The following CUX2 variants were observed in gnomAD, a reference collection of about 807,000 sequenced individuals.
CUX2 encodes cut like homeobox 2.
In CUX2, 40 loss-of-function variants were observed where a neutral mutation model predicts 144.8. The observed-to-expected ratio is 0.28, with a 90% confidence interval of 0.21 to 0.36. CUX2 has a LOEUF of 0.36. Among genes scored for constraint, CUX2 ranks in the 10% least tolerant of loss-of-function variants. The probability of loss-of-function intolerance (pLI) is 1.00; values close to 1 mark genes in which losing one functional copy is unlikely to be tolerated. For synonymous variants in CUX2, 827 were observed against 875.6 expected, an observed-to-expected ratio of 0.94 and a Z score of 0.98; for missense variants, 1,615 against 1,994.0, an observed-to-expected ratio of 0.81 and a Z score of 3.62.
At chr12:111,203,107 C>T (rs1048634010) in intron 1 of CUX2, among the ~76,000 whole-genome samples, 3 of 151,976 alleles carry the variant, frequency 2.0e-5, no homozygotes, top group African/African-American at 7.2e-5. Flanking sequence ...TGGCACACGC[C>T]TGTAATCCTA....
chr12:111,165,801 G>T (rs1272909354), intron 1 of CUX2, among the ~76,000 whole-genome samples: 1 of 152,148 alleles, frequency 6.6e-6, no homozygotes, highest in Admixed American at 6.5e-5. Context: ...CCATGGAAAT[G>T]GTAAATATCA....
At chr12:111,229,562 T>C (rs777312775) in intron 3 of CUX2, among the ~76,000 whole-genome samples, 10 of 152,196 alleles carry the variant, frequency 6.6e-5, no homozygotes, top group African/African-American at 9.7e-5. Flanking sequence ...CCACCTTGTT[T>C]ATCCTGGGGG....
chr12:111,202,675 A>G (rs1400224908), intron 1 of CUX2, among the ~76,000 whole-genome samples: 1 of 152,166 alleles, frequency 6.6e-6, no homozygotes, highest in African/African-American at 2.4e-5. Flanking sequence ...TGGAGCTGAC[A>G]TTGGAGGGGG....
At chr12:111,221,663 C>A (rs1592852803) in intron 3 of CUX2, among the ~76,000 whole-genome samples, 1 of 152,018 alleles carries the variant, frequency 6.6e-6, no homozygotes, top group East Asian at 1.9e-4. Flanking sequence ...TGAAATATAC[C>A]ATGTTCAATA....
chr12:111,036,352 G>A (rs1002121369), intron 1 of CUX2, among the ~76,000 whole-genome samples: 9 of 152,194 alleles, frequency 5.9e-5, no homozygotes, highest in African/African-American at 1.7e-4. Flanking sequence ...AGGGGAGGGT[G>A]CGGCTCCCAG....
chr12:111,321,966 A>T (rs1455115870), intron 17 of CUX2, among the ~76,000 whole-genome samples: 1 of 151,896 alleles, frequency 6.6e-6, no homozygotes, highest in African/African-American at 2.4e-5. Context: ...GCAACAGCAC[A>T]TGGCAGGCAC....
At chr12:111,189,861 TGGCATTGCTGGAGCACGGGGA>T (rs1879772758) in intron 1 of CUX2, among the ~76,000 whole-genome samples, 1 of 152,078 alleles carries the variant, frequency 6.6e-6, no homozygotes, top group Admixed American at 6.6e-5. Context: ...TACCCAGGGG[TGGCATTGCTGGAGCACGGGGA>T]GGCATATGTT....
intron 18 of CUX2, among the ~76,000 whole-genome samples, chr12:111,328,957 C>CTCTG (rs1430049288): frequency 2.0e-5 from 2 of 99,416 alleles, no homozygotes; most frequent in Admixed American, 1.9e-4. Flanking sequence ...CTCTCTCTCT[C>CTCTG]TCTCTCTCTC....
At chr12:111,145,700 T>A (rs957251410) in intron 1 of CUX2, among the ~76,000 whole-genome samples, 1 of 152,026 alleles carries the variant, frequency 6.6e-6, no homozygotes, top group Non-Finnish European at 1.5e-5. Flanking sequence ...TCCATCTTGC[T>A]CTGTCACCCA....
rs576863690 is a variant in CUX2, at chr12:111,265,903, C to T, written c.301+2064C>T. The stretch of plus-strand genomic sequence containing the variant: ...AAATGACATCCCACCCTCAGCTGTC[C>T]GACTGCAAAACCCAAACCACAGAGA... On this transcript the variant is annotated intron_variant, in intron 4 of 21. Coordinates refer to ENST00000261726, the MANE Select transcript of CUX2 (RefSeq NM_015267.4). Among the ~76,000 whole-genome samples the T allele has an allele frequency of 3.9e-5, 6 of 151,994 alleles. No individual in the cohort carries two copies. In the East Asian group the frequency reaches 7.7e-4, roughly 20 times the overall value.
rs374013343 is a variant in CUX2 at position 111,322,429 on chromosome 12, C to A, written c.2775C>A (p.Gly925=). 16 of 1,560,686 alleles carry A rather than the reference C, an allele frequency of 1.0e-5. No individual in the cohort carries two copies. Among genetic ancestry groups the A allele is most frequent in the Non-Finnish European group, 1.4e-5 (16 of 1,153,710 alleles). The change falls in exon 18 of 22, where the codon GGC becomes GGA. Residue 925 remains glycine, a synonymous_variant. Coordinates refer to ENST00000261726, the MANE Select transcript of CUX2 (RefSeq NM_015267.4). The surrounding 1 kb of genome is among the most constrained non-coding windows in gnomAD (Gnocchi z 4.2). Reference sequence around the variant, plus strand: ...TGGCCCGCCCCTCGCAGGTGCTGGGCCTGTCACAGGGCAGCGTGAGCGACA... The same window carrying A: ...TGGCCCGCCCCTCGCAGGTGCTGGGACTGTCACAGGGCAGCGTGAGCGACA... ...CQRIFGEKVL[G]LSQGSVSDML...
At position 111,217,648 on chromosome 12, in the gene CUX2, G is replaced by A. The variant is rs549618339; in HGVS notation, c.175-242G>A. 2.0e-5 allele frequency among the ~76,000 whole-genome samples: 3 copies of A among 151,878 alleles called. No individual in the cohort carries two copies. The South Asian group carries it at 6.2e-4, about 32-fold the overall frequency. ...TTTGTCTTCTGGAAATTCCCAACAT[G>A]CATTATATGAAAGACTCCAGAAAGT... On this transcript the variant is annotated intron_variant, in intron 2 of 21. Coordinates refer to ENST00000261726, the MANE Select transcript of CUX2 (RefSeq NM_015267.4).
chr12:111,143,976 T>G (rs1214221985), intron 1 of CUX2, among the ~76,000 whole-genome samples: 1 of 152,196 alleles, frequency 6.6e-6, no homozygotes, highest in Non-Finnish European at 1.5e-5. Context: ...AAGCCTCTCC[T>G]CTGAAGTGGC....
At position 111,308,545 on chromosome 12, in the gene CUX2, C is replaced by G; in HGVS notation, c.1258+19C>G. 6.3e-7 allele frequency: 1 copy of G among 1,593,644 alleles called. No homozygotes were observed. The highest frequency in any genetic ancestry group is 8.6e-7 in the Non-Finnish European group (1 of 1,169,506). On this transcript the variant is annotated intron_variant, in intron 14 of 21. Transcript: ENST00000261726. The stretch of plus-strand genomic sequence containing the variant: ...AGCCCTGGTAGGGGAGGAGGATACT[C>G]TGGGGCTGAGGGCTGGGGCGGGGGC...
intron 18 of CUX2, among the ~76,000 whole-genome samples, chr12:111,324,734 A>C (rs188467325): frequency 0.034 from 5,234 of 151,980 alleles, 133 homozygotes; most frequent in African/African-American, 0.062. Flanking sequence ...TCCTGACCTC[A>C]GGTGATCCAC....
At position 111,320,648 on chromosome 12, in the gene CUX2, T is replaced by A; in HGVS notation, c.2639T>A (p.Val880Glu). The stretch of plus-strand genomic sequence containing the variant: ...GTGCCGCGCACCCTGAAGCCCACCG[T>A]GCCGCCGCTGACCCCCGAGCAGTAC... Reference protein sequence around the residue: ...AYVPRTLKPTVPPLTPEQYEL... With the variant: ...AYVPRTLKPTEPPLTPEQYEL... Residue 880 changes from valine to glutamate, a missense_variant, in exon 17 of 22, where the codon GTG becomes GAG. Physicochemically the swap from Val to Glu is moderately radical, Grantham distance 121. Coordinates refer to ENST00000261726, the MANE Select transcript of CUX2 (RefSeq NM_015267.4). The surrounding 1 kb of genome is among the most constrained non-coding windows in gnomAD (Gnocchi z 8.1). 3 of 1,596,332 alleles carry A rather than the reference T, an allele frequency of 1.9e-6. No individual in the cohort carries two copies. The highest frequency in any genetic ancestry group is 2.5e-6 in the Non-Finnish European group (3 of 1,178,884).
intron 1 of CUX2, among the ~76,000 whole-genome samples, chr12:111,164,522 G>A (rs574585932): frequency 6.6e-6 from 1 of 151,994 alleles, no homozygotes. Flanking sequence ...GTTGCAGTGA[G>A]CAGAGATTGT....
intron 1 of CUX2, among the ~76,000 whole-genome samples, chr12:111,060,724 G>A (rs1870729838): frequency 6.6e-6 from 1 of 152,178 alleles, no homozygotes. Context: ...GGCCCAGCCC[G>A]GCCCAGCCTG....
At chr12:111,114,861 G>A (rs1874194022) in intron 1 of CUX2, among the ~76,000 whole-genome samples, 1 of 152,090 alleles carries the variant, frequency 6.6e-6, no homozygotes, top group African/African-American at 2.4e-5. Flanking sequence ...AGGGTTTGAG[G>A]GTCATTTTCT....
Sources: gnomAD v4.1 joint callset for allele counts (sites outside exome capture counted in the v4.1 genomes callset) on GRCh38, gnomAD v4.1.1 for gene constraint, Gnocchi (gnomAD v3.1) non-coding constraint, MANE v1.5 for transcripts, NCBI Gene and HGNC (gene_info 2026-07-23, HGNC 2026-07-21) for gene names.